ADCY3: variants seen among roughly 807,000 people sequenced by gnomAD.
ADCY3 encodes adenylate cyclase type 3.
Under a neutral mutation model 119.4 loss-of-function variants are expected in ADCY3, and 70 were observed. The ratio of observed to expected loss-of-function variants is 0.59; its 90% CI spans 0.48 to 0.72. The LOEUF (loss-of-function observed/expected upper bound fraction) is 0.72. ADCY3 is among the 30% of genes least tolerant of loss of function. ADCY3 has a pLI of 0.00. For missense variants in ADCY3, 1,238 were observed against 1,541.6 expected (o/e 0.80, Z 3.30); for synonymous variants, 672 against 621.4 (o/e 1.08, Z -1.21).
rs1671160455 is a variant in ADCY3 at position 24,842,656 on chromosome 2, C to A, written c.826-272G>T. The A allele has an allele frequency of 9.2e-6, 4 of 435,226 alleles. No individual in the cohort carries two copies. In the East Asian group the frequency reaches 1.9e-4, roughly 21 times the overall value. 27.0% of individuals were successfully genotyped at this position (435,226 alleles called of 1,614,324 possible). A position where few individuals can be genotyped will look rare whatever the true frequency, so the allele number is the denominator to read the frequency against. ...TGAAGCATCCCAACGTGGCTCTGTG[C>A]TCAGCATCCTCGTGCCACAAGAAGC... On this transcript the variant is annotated intron_variant, in intron 3 of 21. Coordinates refer to ENST00000679454, the MANE Select transcript of ADCY3 (RefSeq NM_004036.5). The surrounding 1 kb of genome is among the most constrained non-coding windows in gnomAD (Gnocchi z 4.9).
At chr2:24,892,374 A>G (rs10165451) in intron 2 of ADCY3, among the ~76,000 whole-genome samples, 79,681 of 151,460 alleles carry the variant, frequency 0.53, 23,231 homozygotes, top group African/African-American at 0.8. Context: ...TCAGCCTCCC[A>G]AGTAGCTGGG....
rs138361240 is a variant in ADCY3, at chr2:24,829,718, G to A, written c.2172+991C>T. ...ATTACAGGCGTGAGCCACTGCGCCC[G>A]GCACCGTGTGCTCCAATTGTTAAAG... On this transcript the variant is annotated intron_variant, in intron 13 of 21. Transcript: ENST00000679454. 3.0e-3 allele frequency among the ~76,000 whole-genome samples: 434 copies of A among 144,652 alleles called. 2 individuals carry two copies. The highest frequency in any genetic ancestry group is 7.9e-3 in the African/African-American group (307 of 38,996). The allele number at this position is 144,652 out of a possible 152,430, so 94.9% of individuals were successfully genotyped here.
intron 3 of ADCY3, among the ~76,000 whole-genome samples, chr2:24,854,549 G>A (rs532249426): frequency 1.2e-4 from 19 of 152,330 alleles, no homozygotes; most frequent in African/African-American, 3.1e-4. Flanking sequence ...TGTGGCTGGC[G>A]TGTCACTGGG....
At chr2:24,820,322 CCT>C in intron 21 of ADCY3, 1 of 1,316,476 alleles carries the variant, frequency 7.6e-7, no homozygotes, top group Non-Finnish European at 9.7e-7. Context: ...CTGGGGGCCT[CCT>C]CTCATCCAGA....
chr2:24,840,177 TG>T, intron 6 of ADCY3, 146 bp from the exon 7 acceptor site: 15 of 1,153,568 alleles, frequency 1.3e-5, no homozygotes, highest in Admixed American at 2.7e-5. Flanking sequence ...TGGTGTTGGG[TG>T]GGGGGTAAGG....
chr2:24,856,997 T>C (rs1251619020), intron 3 of ADCY3, among the ~76,000 whole-genome samples: 1 of 151,952 alleles, frequency 6.6e-6, no homozygotes, highest in Non-Finnish European at 1.5e-5. Flanking sequence ...GTCCCCAGAG[T>C]CCCCAGATCA....
intron 2 of ADCY3, among the ~76,000 whole-genome samples, chr2:24,886,955 C>T (rs891872104): frequency 2.0e-5 from 3 of 152,252 alleles, no homozygotes; most frequent in Admixed American, 1.3e-4. Flanking sequence ...CCACAAGTGA[C>T]ACCCCGTGGC....
chr2:24,907,356 C>T lies in ADCY3; in HGVS notation c.675+10957G>A, dbSNP rs564072935. On this transcript the variant is annotated intron_variant, in intron 2 of 21. Transcript: ENST00000679454. ...ACAAACCCCAGACATGGAAATCTTG[C>T]GAAAGTTCAAGTCCAGTCGCTTATG... Among the ~76,000 whole-genome samples the T allele has an allele frequency of 7.9e-5, 12 of 152,194 alleles. No individual in the cohort carries two copies. In the South Asian group the frequency reaches 1.0e-3, roughly 13 times the overall value.
chr2:24,830,624 T>G, intron 13 of ADCY3, 85 bp downstream of exon 13: 18 of 1,026,436 alleles, frequency 1.8e-5, no homozygotes, highest in Non-Finnish European at 2.5e-5. Flanking sequence ...AGGGATGGAC[T>G]GAGAAACTGC....
chr2:24,864,317 C>T (rs1437747051), intron 3 of ADCY3, among the ~76,000 whole-genome samples: 1 of 152,036 alleles, frequency 6.6e-6, no homozygotes, highest in Admixed American at 6.6e-5. Context: ...AAAAAAAGCA[C>T]ATTCCAGATT....
Position 24,831,676 on chromosome 2 carries a change from C to A in ADCY3, c.2041G>T (p.Ala681Ser). ...LLILTICSLA[A>S]IFPRAFPKKL... ...GTGCCTCTTACCCGGGGAAAGATGG[C>A]AGCCAGGGAGCAGATGGTCAGGATG... The change falls in exon 12 of 22, where the codon GCC (alanine) becomes TCC (serine). Residue 681 changes from alanine to serine, a missense_variant. Around this residue, in one of 7 missense-constraint regions of ADCY3, gnomAD observed 499 missense variants for 571.0 expected, o/e 0.87. Transcript: ENST00000679454. 6.2e-7 allele frequency: 1 copy of A among 1,613,996 alleles called. No homozygotes were observed. Among genetic ancestry groups the A allele is most frequent in the Admixed American group, 1.7e-5 (1 of 60,020 alleles).
intron 3 of ADCY3, among the ~76,000 whole-genome samples, chr2:24,849,638 A>G (rs1672058193): frequency 6.6e-6 from 1 of 152,244 alleles, no homozygotes; most frequent in Admixed American, 6.5e-5. Flanking sequence ...GTCAGGCTCA[A>G]AAAGTGAAGC....
chr2:24,906,978 A>C (rs989520945), intron 2 of ADCY3, among the ~76,000 whole-genome samples: 10 of 152,100 alleles, frequency 6.6e-5, no homozygotes, highest in Non-Finnish European at 1.3e-4. Flanking sequence ...TAAAAATACA[A>C]AAATTAGCCA....
At chr2:24,905,957 G>A (rs1200456788) in intron 2 of ADCY3, among the ~76,000 whole-genome samples, 5 of 152,118 alleles carry the variant, frequency 3.3e-5, no homozygotes, top group Non-Finnish European at 7.3e-5. Flanking sequence ...CGGGGTGAGG[G>A]TCGACCAAGA....
At position 24,819,752 on chromosome 2, in the gene ADCY3, C is replaced by T; in HGVS notation, c.*180G>A. The T allele has an allele frequency of 1.5e-6, 1 of 650,536 alleles. No homozygotes were observed. The highest frequency in any genetic ancestry group is 2.6e-6 in the Non-Finnish European group (1 of 377,854). The allele number at this position is 650,536 out of a possible 1,614,324, so 40.3% of individuals were successfully genotyped here. On this transcript the variant is annotated 3_prime_UTR_variant, in exon 22 of 22. Transcript: ENST00000679454. Reference sequence around the variant, plus strand: ...CCCTATGCTGGGGACACTACAGGCACACACAGGAATAGCAGGGCCACCCTC... The same window carrying T: ...CCCTATGCTGGGGACACTACAGGCATACACAGGAATAGCAGGGCCACCCTC...
At chr2:24,888,370 G>A (rs1249142336) in intron 2 of ADCY3, among the ~76,000 whole-genome samples, 2 of 152,274 alleles carry the variant, frequency 1.3e-5, no homozygotes, top group Admixed American at 6.5e-5. Context: ...CCCTTTCCAC[G>A]TCTCATTATC....
chr2:24,893,320 G>A (rs1177814890), intron 2 of ADCY3, among the ~76,000 whole-genome samples: 4 of 152,106 alleles, frequency 2.6e-5, no homozygotes, highest in Non-Finnish European at 4.4e-5. Flanking sequence ...GCAGTGAGCC[G>A]AGATCACGCT....
intron 2 of ADCY3, among the ~76,000 whole-genome samples, chr2:24,892,756 G>A (rs967798196): frequency 4.6e-5 from 7 of 152,104 alleles, no homozygotes; most frequent in Non-Finnish European, 8.8e-5. Flanking sequence ...AATGTCCCTC[G>A]CTATCCCTGA....
Position 24,893,977 on chromosome 2 carries a change from GT to G in ADCY3, c.676-21259del, listed in dbSNP as rs780064976. 4.6e-5 allele frequency among the ~76,000 whole-genome samples: 7 copies of G among 152,042 alleles called. No homozygotes were observed. In the South Asian group the frequency reaches 1.4e-3, roughly 31 times the overall value. Reference sequence around the variant, plus strand: ...TGGCTATATTTAAAACTGTTGTCTTGTTTTTTGTCTTCTACTTATCTTACTG... The same window carrying G: ...TGGCTATATTTAAAACTGTTGTCTTGTTTTTGTCTTCTACTTATCTTACTG... On this transcript the variant is annotated intron_variant, in intron 2 of 21. Transcript: ENST00000679454.
Sources: allele counts gnomAD v4.1 joint callset (sites outside exome capture counted in the v4.1 genomes callset), GRCh38; gene constraint gnomAD v4.1.1; regional missense constraint gnomAD v4.1.1; non-coding constraint Gnocchi (gnomAD v3.1); transcripts MANE v1.5; gene names NCBI Gene and HGNC (gene_info 2026-07-23, HGNC 2026-07-21).